Variants in C8orf34 observed in about 807,000 individuals in gnomAD.
C8orf34 encodes the protein uncharacterized protein C8orf34.
A neutral mutation model predicts 68.3 loss-of-function variants in C8orf34; 65 were observed. The ratio of observed to expected loss-of-function variants is 0.95; its 90% CI spans 0.78 to 1.17. The LOEUF is 1.17. Among genes scored for constraint, C8orf34 ranks in the 50% most tolerant of loss-of-function variants. The pLI is 0.00. For synonymous variants in C8orf34, 244 were observed against 241.2 expected, an observed-to-expected ratio of 1.01 and a Z score of -0.11; for missense variants, 664 against 655.4, an observed-to-expected ratio of 1.01 and a Z score of -0.14.
At chr8:68,522,037 C>A in intron 6 of C8orf34, 66 bp downstream of exon 6, 2 of 1,402,006 alleles carry the variant, frequency 1.4e-6, no homozygotes, top group Non-Finnish European at 9.8e-7. Flanking sequence ...AAAATAAACC[C>A]AAGTTCATGG....
chr8:68,791,057 A>G lies in C8orf34; in HGVS notation c.1549+3521A>G. 4 of 589,888 alleles carry G rather than the reference A, an allele frequency of 6.8e-6. No individual in the cohort carries two copies. The South Asian group carries it at 8.8e-5, about 13-fold the overall frequency. The allele number at this position is 589,888 out of a possible 1,614,324, so 36.5% of individuals were successfully genotyped here. ...GAGTCTGGAGAAAAAGGAAGGCTAA[A>G]ATTTGAAGAAATATACATGGAGAAG... On this transcript the variant is annotated intron_variant, in intron 12 of 13. Coordinates refer to ENST00000518698, the MANE Select transcript of C8orf34 (RefSeq NM_052958.4).
chr8:68,471,327 T>C (rs1449235263), intron 4 of C8orf34, among the ~76,000 whole-genome samples: 3 of 152,142 alleles, frequency 2.0e-5, no homozygotes, highest in African/African-American at 7.2e-5. Context: ...TGAGTTTCTA[T>C]GATTTTCTGA....
intron 5 of C8orf34, among the ~76,000 whole-genome samples, chr8:68,505,775 G>A (rs1813993668): frequency 6.6e-6 from 1 of 151,648 alleles, no homozygotes; most frequent in Admixed American, 6.6e-5. Context: ...CAACATGACT[G>A]GCTGAGAATC....
intron 7 of C8orf34, among the ~76,000 whole-genome samples, chr8:68,569,316 C>T (rs1347463441): frequency 6.6e-6 from 1 of 152,236 alleles, no homozygotes; most frequent in Non-Finnish European, 1.5e-5. Context: ...GTGAGGCTGT[C>T]GCCTCTACAT....
chr8:68,347,670 G>A (rs1416045650), intron 1 of C8orf34, among the ~76,000 whole-genome samples: 2 of 152,022 alleles, frequency 1.3e-5, no homozygotes, highest in Non-Finnish European at 2.9e-5. Flanking sequence ...GGTGTGAGAT[G>A]GTATCTCACT....
chr8:68,644,590 T>A (rs893460350), intron 8 of C8orf34, among the ~76,000 whole-genome samples: 2 of 152,164 alleles, frequency 1.3e-5, no homozygotes, highest in African/African-American at 4.8e-5. Context: ...CTCCTTCAGC[T>A]AGAACAAGGA....
At chr8:68,367,873 C>T (rs1040038967) in intron 1 of C8orf34, among the ~76,000 whole-genome samples, 1 of 100,710 alleles carries the variant, frequency 9.9e-6, no homozygotes, top group Non-Finnish European at 1.8e-5. Flanking sequence ...ACAATGTGCA[C>T]ATGTACCCTA....
At chr8:68,454,488 A>T (rs1057270377) in intron 3 of C8orf34, among the ~76,000 whole-genome samples, 2 of 151,958 alleles carry the variant, frequency 1.3e-5, no homozygotes, top group Non-Finnish European at 2.9e-5. Flanking sequence ...TTGAGTCAGT[A>T]TTGGTAGTTT....
chr8:68,536,230 T>C (rs1021588612), intron 7 of C8orf34, among the ~76,000 whole-genome samples: 8 of 150,422 alleles, frequency 5.3e-5, no homozygotes, highest in African/African-American at 1.9e-4. Context: ...AAAATACTTA[T>C]ATTAGTCAAG....
intron 4 of C8orf34, among the ~76,000 whole-genome samples, chr8:68,480,583 G>A (rs1812817625): frequency 6.6e-6 from 1 of 152,140 alleles, no homozygotes; most frequent in Admixed American, 6.5e-5. Flanking sequence ...CTTGTTGAAT[G>A]GCTTTGACAA....
chr8:68,657,248 T>C (rs961465), intron 8 of C8orf34, among the ~76,000 whole-genome samples: 42,978 of 152,096 alleles, frequency 0.28, 6,646 homozygotes, highest in East Asian at 0.56. Context: ...ATAGTCTGAA[T>C]GTTTGTATTC....
At chr8:68,601,419 T>C (rs1041278447) in intron 7 of C8orf34, among the ~76,000 whole-genome samples, 4 of 152,144 alleles carry the variant, frequency 2.6e-5, no homozygotes, top group Non-Finnish European at 4.4e-5. Flanking sequence ...TTGTCTTATT[T>C]TTCTCTTTGT....
intron 7 of C8orf34, among the ~76,000 whole-genome samples, chr8:68,616,298 T>C (rs1818211187): frequency 1.3e-5 from 2 of 152,236 alleles, no homozygotes; most frequent in Non-Finnish European, 2.9e-5. Context: ...CCTTCAGTTC[T>C]GCTCTGATTT....
intron 1 of C8orf34, among the ~76,000 whole-genome samples, chr8:68,429,733 G>A (rs183807484): frequency 3.3e-5 from 5 of 152,222 alleles, no homozygotes; most frequent in African/African-American, 1.2e-4. Flanking sequence ...CATATCATGG[G>A]CAAATATGGA....
chr8:68,349,038 G>A (rs138336603), intron 1 of C8orf34, among the ~76,000 whole-genome samples: 54 of 151,954 alleles, frequency 3.6e-4, no homozygotes, highest in African/African-American at 1.2e-3. Context: ...TATCCTTGTC[G>A]TTTGACAGTT....
intron 3 of C8orf34, among the ~76,000 whole-genome samples, chr8:68,460,854 A>AG (rs1298604658): frequency 2.2e-4 from 33 of 152,340 alleles, no homozygotes; most frequent in African/African-American, 7.7e-4. Flanking sequence ...AAAACAGAGC[A>AG]GAAAAACTGG....
At chr8:68,565,183 A>G (rs1816547939) in intron 7 of C8orf34, among the ~76,000 whole-genome samples, 2 of 151,842 alleles carry the variant, frequency 1.3e-5, no homozygotes, top group Non-Finnish European at 2.9e-5. Context: ...TTTTGCCCAG[A>G]TTGGCATCAT....
intron 1 of C8orf34, among the ~76,000 whole-genome samples, chr8:68,335,896 G>A (rs1021015391): frequency 2.2e-4 from 34 of 152,028 alleles, no homozygotes; most frequent in African/African-American, 7.7e-4. Flanking sequence ...AGACCAGCCT[G>A]GCCAACACAG....
At chr8:68,380,219 C>A (rs1807974896) in intron 1 of C8orf34, among the ~76,000 whole-genome samples, 1 of 152,064 alleles carries the variant, frequency 6.6e-6, no homozygotes, top group African/African-American at 2.4e-5. Flanking sequence ...GTCTTTGAAG[C>A]CATTAAGACT....
Sources: gnomAD v4.1 joint callset for allele counts (sites outside exome capture counted in the v4.1 genomes callset) on GRCh38, gnomAD v4.1.1 for gene constraint, MANE v1.5 for transcripts, NCBI Gene and HGNC (gene_info 2026-07-23, HGNC 2026-07-21) for gene names.